Variants in GLB1L3 observed in about 807,000 individuals in gnomAD.
The protein encoded by GLB1L3 is galactosidase beta 1 like 3, also known as beta-galactosidase-1-like protein 3.
Under a neutral mutation model 89.5 loss-of-function variants are expected in GLB1L3, and 89 were observed. The observed-to-expected ratio is 0.99, with a 90% CI of 0.84 to 1.19. GLB1L3 has a LOEUF of 1.19. GLB1L3 is among the 50% of genes most tolerant of loss of function. The pLI, the probability that GLB1L3 is intolerant of heterozygous loss-of-function variation, is 0.00. For synonymous variants in GLB1L3, 314 were observed against 312.3 expected, an observed-to-expected ratio of 1.01 and a Z score of -0.06; for missense variants, 812 against 813.3, an observed-to-expected ratio of 1.00 and a Z score of 0.02.
rs551100831 is a variant in GLB1L3 at position 134,307,308 on chromosome 11, G to A, written c.961+100G>A. 251 of 873,328 alleles carry A rather than the reference G, an allele frequency of 2.9e-4. No homozygotes were observed. In the African/African-American group the frequency reaches 2.9e-3, roughly 10 times the overall value. 54.1% of individuals were successfully genotyped at this position (873,328 alleles called of 1,614,324 possible). A position where few individuals can be genotyped will look rare whatever the true frequency, so the allele number is the denominator to read the frequency against. On this transcript the variant is annotated intron_variant, in intron 10 of 19. Coordinates refer to ENST00000431683, the MANE Select transcript of GLB1L3 (RefSeq NM_001080407.3). ...TGCTAATTGATTCACTTGATCAGCC[G>A]TAGATATTCATGCAACTTTTCACAT...
intron 3 of GLB1L3, among the ~76,000 whole-genome samples, chr11:134,280,543 G>C (rs1940627910): frequency 6.6e-6 from 1 of 152,012 alleles, no homozygotes; most frequent in Admixed American, 6.6e-5. Context: ...GTTTCTTAGA[G>C]GGGTACTTTA....
intron 13 of GLB1L3, 163 bp from the exon 14 acceptor site, chr11:134,312,186 T>C (rs1419631473): frequency 1.4e-6 from 1 of 701,986 alleles, no homozygotes; most frequent in Non-Finnish European, 2.3e-6. Context: ...TCCTGGGCAG[T>C]GGAGACGTAA....
intron 5 of GLB1L3, 26 bp downstream of exon 5, chr11:134,282,146 C>T (rs749551042): frequency 4.5e-6 from 7 of 1,552,436 alleles, no homozygotes; most frequent in East Asian, 2.3e-5. Context: ...GTCCCAGAGT[C>T]GTGGTTCTAG....
chr11:134,322,050 A>G (rs1943175698), downstream of GLB1L3, among the ~76,000 whole-genome samples: 1 of 152,234 alleles, frequency 6.6e-6, no homozygotes, highest in South Asian at 2.1e-4. Context: ...TTTAAAGAAA[A>G]CTATAAATAT....
At chr11:134,322,455 A>G (rs941133052), downstream of GLB1L3, among the ~76,000 whole-genome samples, 10 of 152,212 alleles carry the variant, frequency 6.6e-5, no homozygotes, top group Non-Finnish European at 1.5e-4. Context: ...TTTAAAGTCT[A>G]CAATTCAGTA....
chr11:134,276,529 G>C lies in GLB1L3; in HGVS notation c.-212G>C, dbSNP rs553290128. The C allele has an allele frequency of 5.0e-6, 2 of 398,852 alleles. No individual in the cohort carries two copies. The highest frequency in any genetic ancestry group is 9.1e-5 in the Admixed American group (2 of 21,932). 24.7% of individuals were successfully genotyped at this position (398,852 alleles called of 1,614,324 possible). A position where few individuals can be genotyped will look rare whatever the true frequency, so the allele number is the denominator to read the frequency against. ...CCTGGAGCGCCGGCGGAGCTCGGCTGTCCCCGCGGGAGGGAGCCCGACGCG... is the reference window on the plus strand; with the variant it reads ...CCTGGAGCGCCGGCGGAGCTCGGCTCTCCCCGCGGGAGGGAGCCCGACGCG... On this transcript the variant is annotated 5_prime_UTR_variant, in exon 1 of 20. Transcript: ENST00000431683.
Position 134,276,574 on chromosome 11 carries a change from C to T in GLB1L3, c.-167C>T. ...GACGCGCATCCTTGGGACCCGGACC[C>T]GGCGCCCGCGCCTCGGGACGGATTT... On this transcript the variant is annotated 5_prime_UTR_variant, in exon 1 of 20. Coordinates refer to ENST00000431683, the MANE Select transcript of GLB1L3 (RefSeq NM_001080407.3). 1 of 557,486 alleles carries T rather than the reference C, an allele frequency of 1.8e-6. No homozygotes were observed. Among genetic ancestry groups the T allele is most frequent in the East Asian group, 3.7e-5 (1 of 26,892 alleles). 34.5% of individuals were successfully genotyped at this position (557,486 alleles called of 1,614,324 possible).
intron 9 of GLB1L3, among the ~76,000 whole-genome samples, chr11:134,295,735 A>G (rs968433412): frequency 6.6e-6 from 1 of 152,136 alleles, no homozygotes; most frequent in Non-Finnish European, 1.5e-5. Flanking sequence ...CTTTTCTAAT[A>G]TAAGTATTTA....
rs965333120 is a variant in GLB1L3 at position 134,305,373 on chromosome 11, A to G, written c.877-1751A>G. ...TTAGTCTTTCCTAAAATCTTCGACA[A>G]AGAGCATTCTCTCTCTACGTTTTTT... is the stretch of plus-strand genomic sequence containing the variant. On this transcript the variant is annotated intron_variant, in intron 9 of 19. Coordinates refer to ENST00000431683, the MANE Select transcript of GLB1L3 (RefSeq NM_001080407.3). 20 of 472,494 alleles carry G rather than the reference A, an allele frequency of 4.2e-5. 1 individual carries two copies. The Admixed American group carries it at 6.4e-4, about 15-fold the overall frequency. The allele number at this position is 472,494 out of a possible 1,614,324, so 29.3% of individuals were successfully genotyped here.
chr11:134,319,698 C>G (rs564658547), downstream of GLB1L3: 2 of 125,796 alleles, frequency 1.6e-5, no homozygotes, highest in East Asian at 4.1e-4. Context: ...CCTCCTCTCT[C>G]TCTCTCTCTC....
At chr11:134,307,247 C>G in intron 10 of GLB1L3, 39 bp downstream of exon 10, 2 of 1,427,128 alleles carry the variant, frequency 1.4e-6, no homozygotes, top group Non-Finnish European at 2.0e-6. Context: ...GAAGAGATGG[C>G]CCCAGGTCCC....
chr11:134,294,638 A>C (rs1318444062), intron 9 of GLB1L3, among the ~76,000 whole-genome samples: 1 of 152,216 alleles, frequency 6.6e-6, no homozygotes, highest in East Asian at 1.9e-4. Context: ...TGCTTATCAC[A>C]GTTAATCCCG....
chr11:134,315,888 CT>C (rs1942956672), intron 18 of GLB1L3, among the ~76,000 whole-genome samples: 1 of 152,024 alleles, frequency 6.6e-6, no homozygotes, highest in Admixed American at 6.6e-5. Flanking sequence ...GACTTTCAGT[CT>C]TTGTTCTTTT....
chr11:134,303,672 A>G (rs542290215), intron 9 of GLB1L3, among the ~76,000 whole-genome samples: 49 of 152,166 alleles, frequency 3.2e-4, no homozygotes, highest in Non-Finnish European at 5.3e-4. Context: ...TTTGATTTCT[A>G]TCTTTTTAAA....
At chr11:134,288,077 AC>A (rs1243570080) in intron 6 of GLB1L3, among the ~76,000 whole-genome samples, 1 of 152,118 alleles carries the variant, frequency 6.6e-6, no homozygotes. Flanking sequence ...CTGTGGAAGG[AC>A]CCTGAAAGAG....
intron 9 of GLB1L3, among the ~76,000 whole-genome samples, chr11:134,300,151 T>C (rs1197830848): frequency 6.6e-6 from 1 of 152,124 alleles, no homozygotes; most frequent in Non-Finnish European, 1.5e-5. Flanking sequence ...ACTACATGTC[T>C]GAAATCAAGG....
chr11:134,313,534 T>A (rs1942844618), intron 16 of GLB1L3, 60 bp downstream of exon 16: 1 of 959,428 alleles, frequency 1.0e-6, no homozygotes, highest in Non-Finnish European at 1.6e-6. Flanking sequence ...GGCTATGCAC[T>A]GGAGTCGGGG....
intron 9 of GLB1L3, among the ~76,000 whole-genome samples, chr11:134,300,398 A>T (rs1355030215): frequency 1.3e-5 from 2 of 148,372 alleles, no homozygotes; most frequent in Non-Finnish European, 3.0e-5. Flanking sequence ...AGTGGTGTGA[A>T]CTCGGCTCAC....
At chr11:134,310,473 C>T in intron 11 of GLB1L3, 98 bp from the exon 12 acceptor site, 1 of 829,888 alleles carries the variant, frequency 1.2e-6, no homozygotes, top group East Asian at 2.6e-5. Context: ...TTCCTTTTGT[C>T]TCACTCACGG....
Sources: allele counts gnomAD v4.1 joint callset (sites outside exome capture counted in the v4.1 genomes callset), GRCh38; gene constraint gnomAD v4.1.1; transcripts MANE v1.5; gene names NCBI Gene and HGNC (gene_info 2026-07-23, HGNC 2026-07-21).